ALK: variants seen among roughly 807,000 people sequenced by gnomAD.
The protein encoded by ALK is ALK tyrosine kinase receptor.
Under a neutral mutation model 163.1 loss-of-function variants are expected in ALK, and 74 were observed. That is an observed-to-expected ratio of 0.45 (90% CI 0.38 to 0.55). The LOEUF (loss-of-function observed/expected upper bound fraction) is 0.55. ALK is among the 20% of genes least tolerant of loss of function. ALK has a pLI of 0.00. For missense variants in ALK, 2,063 were observed against 2,105.3 expected (o/e 0.98, Z 0.39); for synonymous variants, 960 against 843.2 (o/e 1.14, Z -2.40).
chr2:29,813,387 A>C (rs1233453801), intron 1 of ALK, among the ~76,000 whole-genome samples: 1 of 152,164 alleles, frequency 6.6e-6, no homozygotes, highest in Admixed American at 6.5e-5. Flanking sequence ...AGAATCTCTT[A>C]GCACTAAGAA....
chr2:29,588,928 C>T (rs937382209), intron 3 of ALK, among the ~76,000 whole-genome samples: 1 of 152,216 alleles, frequency 6.6e-6, no homozygotes, highest in Admixed American at 6.5e-5. Flanking sequence ...CAGCACCTTA[C>T]TGAATGCATT....
intron 9 of ALK, among the ~76,000 whole-genome samples, chr2:29,291,716 A>G (rs914639063): frequency 1.3e-5 from 2 of 152,246 alleles, no homozygotes; most frequent in African/African-American, 4.8e-5. Context: ...ATTAACAGAA[A>G]TGTGAATTAA....
At chr2:29,207,724 G>T (rs1669349791) in intron 25 of ALK, among the ~76,000 whole-genome samples, 1 of 152,228 alleles carries the variant, frequency 6.6e-6, no homozygotes, top group African/African-American at 2.4e-5. Flanking sequence ...ATTTAGTTCA[G>T]TATAGGCAAT....
chr2:29,869,623 T>C (rs568478511), intron 1 of ALK, among the ~76,000 whole-genome samples: 1 of 152,276 alleles, frequency 6.6e-6, no homozygotes, highest in South Asian at 2.1e-4. Flanking sequence ...AAACTTTATA[T>C]TAAAAAATCA....
chr2:29,406,307 T>C (rs1669583535), intron 4 of ALK, among the ~76,000 whole-genome samples: 1 of 152,198 alleles, frequency 6.6e-6, no homozygotes, highest in Non-Finnish European at 1.5e-5. Context: ...CTAGGAACTC[T>C]GATCTCCCAA....
At chr2:29,434,380 C>T (rs1394212047) in intron 4 of ALK, among the ~76,000 whole-genome samples, 3 of 152,188 alleles carry the variant, frequency 2.0e-5, no homozygotes, top group Non-Finnish European at 1.5e-5. Context: ...CCCACTCCCA[C>T]GCCTGCTTTG....
intron 3 of ALK, among the ~76,000 whole-genome samples, chr2:29,533,174 G>A (rs529395759): frequency 1.3e-5 from 2 of 152,240 alleles, no homozygotes; most frequent in Non-Finnish European, 2.9e-5. Flanking sequence ...CCGTGTCTGA[G>A]CTGGATCGAG....
At chr2:29,646,213 C>T (rs190578007) in intron 3 of ALK, among the ~76,000 whole-genome samples, 86 of 152,244 alleles carry the variant, frequency 5.6e-4, no homozygotes, top group Non-Finnish European at 1.1e-3. Flanking sequence ...AACTTTATCC[C>T]CCCCAGGCCA....
chr2:29,826,554 C>T, intron 1 of ALK, among the ~76,000 whole-genome samples: 1 of 152,090 alleles, frequency 6.6e-6, no homozygotes, highest in East Asian at 1.9e-4. Flanking sequence ...CTTATACAAG[C>T]CTCATGCAAT....
rs112148653 is a variant in ALK at position 29,471,740 on chromosome 2, C to CTT, written c.1154+60173_1154+60174dup. 6.2e-3 allele frequency among the ~76,000 whole-genome samples: 897 copies of CTT among 145,666 alleles called. 5 individuals carry two copies. The highest frequency in any genetic ancestry group is 0.019 in the African/African-American group (738 of 39,582). On this transcript the variant is annotated intron_variant, in intron 4 of 28. Coordinates refer to ENST00000389048, the MANE Select transcript of ALK (RefSeq NM_004304.5). The stretch of plus-strand genomic sequence containing the variant: ...CAATGATGCTAAATAACTTTCTTTT[C>CTT]TTTTTTTTTTTTTTGAGACAGAGTT...
At chr2:29,330,155 G>A (rs905975366) in intron 5 of ALK, among the ~76,000 whole-genome samples, 2 of 152,144 alleles carry the variant, frequency 1.3e-5, no homozygotes, top group Non-Finnish European at 2.9e-5. Context: ...TCCTTCCAGG[G>A]AATCATATCT....
intron 25 of ALK, among the ~76,000 whole-genome samples, chr2:29,207,860 A>G (rs1380631116): frequency 6.6e-6 from 1 of 152,228 alleles, no homozygotes; most frequent in Non-Finnish European, 1.5e-5. Flanking sequence ...TTCATCAGTA[A>G]TGTCATTAAT....
intron 3 of ALK, among the ~76,000 whole-genome samples, chr2:29,575,063 G>C (rs1472452920): frequency 6.6e-6 from 1 of 152,148 alleles, no homozygotes; most frequent in African/African-American, 2.4e-5. Flanking sequence ...CTCTAAATCA[G>C]ACTCTATTTC....
Position 29,830,712 on chromosome 2 carries a change from TTAAAAAAAAAAAAAAAA to T in ALK, c.667+89264_667+89280del, listed in dbSNP as rs1352804481. 2.1e-3 allele frequency among the ~76,000 whole-genome samples: 133 copies of T among 63,520 alleles called. 6 individuals carry two copies. Among genetic ancestry groups the T allele is most frequent in the African/African-American group, 4.7e-3 (76 of 16,064 alleles). The allele number at this position is 63,520 out of a possible 152,430, so 41.7% of individuals were successfully genotyped here. ...AGCAAGACCCTGTCTCTAAAATAGT[TTAAAAAAAAAAAAAAAA>T]AAAAAAAAAAAAAAAAAAAAAAAAC... On this transcript the variant is annotated intron_variant, in intron 1 of 28. Transcript: ENST00000389048.
intron 5 of ALK, among the ~76,000 whole-genome samples, chr2:29,356,622 T>C (rs1033234965): frequency 3.3e-5 from 5 of 152,210 alleles, no homozygotes; most frequent in Non-Finnish European, 7.3e-5. Context: ...AATTAATAAA[T>C]AAGTATCTTT....
chr2:29,824,313 G>A (rs1311757529), intron 1 of ALK, among the ~76,000 whole-genome samples: 1 of 152,194 alleles, frequency 6.6e-6, no homozygotes, highest in East Asian at 1.9e-4. Flanking sequence ...GAGAAATGTG[G>A]GGTTGGAGCC....
At chr2:29,224,688 GAATGA>G (rs1466054761) in intron 19 of ALK, 10 of 220,268 alleles carry the variant, frequency 4.5e-5, no homozygotes, top group African/African-American at 2.2e-4. Context: ...CCTGAGGATC[GAATGA>G]ATTGAAATGT....
At chr2:29,655,493 A>G (rs1677159711) in intron 3 of ALK, among the ~76,000 whole-genome samples, 1 of 152,196 alleles carries the variant, frequency 6.6e-6, no homozygotes, top group Non-Finnish European at 1.5e-5. Context: ...CTGAGGTTTC[A>G]CTAACAACAG....
chr2:29,670,217 T>G (rs1428003276), intron 3 of ALK, among the ~76,000 whole-genome samples: 1 of 152,116 alleles, frequency 6.6e-6, no homozygotes, highest in African/African-American at 2.4e-5. Context: ...GTCATGAAGT[T>G]TCTCAGCTTT....
Sources: gnomAD v4.1 joint callset for allele counts (sites outside exome capture counted in the v4.1 genomes callset) on GRCh38, gnomAD v4.1.1 for gene constraint, MANE v1.5 for transcripts, NCBI Gene and HGNC (gene_info 2026-07-23, HGNC 2026-07-21) for gene names.